Variants in PRDM5 observed in about 807,000 individuals in gnomAD.
PRDM5 encodes PR/SET domain 5.
In PRDM5, 56 loss-of-function variants were observed where a neutral mutation model predicts 81.2. The observed-to-expected ratio is 0.69, with a 90% CI of 0.56 to 0.86. The LOEUF (loss-of-function observed/expected upper bound fraction) is 0.86, where lower values mean the gene tolerates loss of function less well. PRDM5 is among the 40% of genes least tolerant of loss of function. The pLI is 0.00. For synonymous variants in PRDM5, 267 were observed against 256.4 expected, an observed-to-expected ratio of 1.04 and a Z score of -0.39; for missense variants, 697 against 770.1, an observed-to-expected ratio of 0.91 and a Z score of 1.12.
At chr4:120,828,454 A>G (rs908760136) in intron 3 of PRDM5, among the ~76,000 whole-genome samples, 1 of 152,022 alleles carries the variant, frequency 6.6e-6, no homozygotes, top group Non-Finnish European at 1.5e-5. Flanking sequence ...CCAATCTAGA[A>G]CCTGAGGCTA....
intron 7 of PRDM5, among the ~76,000 whole-genome samples, 199 bp from the exon 8 acceptor site, chr4:120,811,648 T>A (rs762980098): frequency 3.5e-4 from 54 of 152,184 alleles, no homozygotes; most frequent in Middle Eastern, 3.4e-3. Flanking sequence ...AGAAAAGACA[T>A]ACAAATTAAT....
chr4:120,842,076 A>G (rs1012842651), intron 3 of PRDM5, among the ~76,000 whole-genome samples: 3 of 152,160 alleles, frequency 2.0e-5, no homozygotes, highest in Non-Finnish European at 4.4e-5. Flanking sequence ...GTGAGTCCAG[A>G]CTGAACTCTC....
At chr4:120,852,714 CAT>C (rs1759412407) in intron 3 of PRDM5, among the ~76,000 whole-genome samples, 1 of 150,834 alleles carries the variant, frequency 6.6e-6, no homozygotes, top group Non-Finnish European at 1.5e-5. Context: ...TATATACACA[CAT>C]ATACAAATAC....
chr4:120,771,751 TAAGAAGAA>T (rs1490716540), intron 13 of PRDM5, among the ~76,000 whole-genome samples: 1 of 152,122 alleles, frequency 6.6e-6, no homozygotes, highest in Non-Finnish European at 1.5e-5. Context: ...TAAATAAACG[TAAGAAGAA>T]AAGTAGAAAA....
At chr4:120,707,567 C>CA (rs2149020097) in intron 15 of PRDM5, among the ~76,000 whole-genome samples, 1 of 149,790 alleles carries the variant, frequency 6.7e-6, no homozygotes, top group Admixed American at 6.6e-5. Context: ...AGAAAAAAAA[C>CA]AAAAACAAAC....
chr4:120,876,904 G>C (rs1762381568), intron 2 of PRDM5, among the ~76,000 whole-genome samples: 1 of 152,102 alleles, frequency 6.6e-6, no homozygotes, highest in South Asian at 2.1e-4. Context: ...GTGGGCCATG[G>C]GAGAGCAGTC....
chr4:120,849,514 C>T (rs553641001), intron 3 of PRDM5, among the ~76,000 whole-genome samples: 1 of 152,190 alleles, frequency 6.6e-6, no homozygotes, highest in South Asian at 2.1e-4. Flanking sequence ...TCATGAAGTG[C>T]ACCAGGACCC....
chr4:120,781,737 G>T (rs1749066902), intron 11 of PRDM5, among the ~76,000 whole-genome samples: 1 of 152,162 alleles, frequency 6.6e-6, no homozygotes, highest in Admixed American at 6.5e-5. Flanking sequence ...ATAATAGGCA[G>T]AATTGGATTG....
At chr4:120,727,303 A>ATGTGTG (rs34504620) in intron 14 of PRDM5, among the ~76,000 whole-genome samples, 3,474 of 150,774 alleles carry the variant, frequency 0.023, 54 homozygotes, top group Non-Finnish European at 0.034. Context: ...GTATGTATAT[A>ATGTGTG]TGTGTGTGTG....
intron 14 of PRDM5, among the ~76,000 whole-genome samples, chr4:120,738,375 C>G (rs1741425195): frequency 6.6e-6 from 1 of 152,166 alleles, no homozygotes; most frequent in Admixed American, 6.5e-5. Context: ...TTTAGCCATC[C>G]TAATATGACA....
At chr4:120,888,279 T>C (rs1763682023) in intron 2 of PRDM5, among the ~76,000 whole-genome samples, 1 of 152,174 alleles carries the variant, frequency 6.6e-6, no homozygotes, top group Non-Finnish European at 1.5e-5. Context: ...TTCTAATCAC[T>C]ACCCTCACAG....
intron 14 of PRDM5, among the ~76,000 whole-genome samples, chr4:120,742,198 A>G (rs1742133246): frequency 1.3e-5 from 2 of 152,188 alleles, no homozygotes; most frequent in African/African-American, 4.8e-5. Context: ...GGGTACTCCA[A>G]CAGACCTGAA....
In PRDM5 at chr4:120,922,414, G is replaced by C. The variant is rs1159377865; in HGVS notation, c.93+102C>G. 3 of 1,180,744 alleles carry C rather than the reference G, an allele frequency of 2.5e-6. No homozygotes were observed. The South Asian group carries it at 1.2e-4, about 48-fold the overall frequency. The allele number at this position is 1,180,744 out of a possible 1,614,324, so 73.1% of individuals were successfully genotyped here. On this transcript the variant is annotated intron_variant, in intron 1 of 15. Transcript: ENST00000264808. ...GGCCCGGCCCGGGCGAGGGGCGACC[G>C]GGGTGAAGCCCGCCGCGCCCCGGGC...
chr4:120,889,007 TATC>T (rs757592298), intron 2 of PRDM5, among the ~76,000 whole-genome samples: 56 of 152,288 alleles, frequency 3.7e-4, no homozygotes, highest in African/African-American at 1.0e-3. Context: ...ACAAATATCT[TATC>T]ATCCTCTGTG....
At chr4:120,880,508 A>T (rs1023829912) in intron 2 of PRDM5, among the ~76,000 whole-genome samples, 1 of 152,308 alleles carries the variant, frequency 6.6e-6, no homozygotes, top group East Asian at 1.9e-4. Flanking sequence ...TATATTCACA[A>T]TATTATCAAT....
chr4:120,737,404 G>A (rs1741277431), intron 14 of PRDM5, among the ~76,000 whole-genome samples: 1 of 152,208 alleles, frequency 6.6e-6, no homozygotes, highest in South Asian at 2.1e-4. Context: ...ACAAGGAAGG[G>A]CAACTGAGAG....
chr4:120,727,158 G>A (rs1739538459), intron 14 of PRDM5, among the ~76,000 whole-genome samples: 2 of 152,136 alleles, frequency 1.3e-5, no homozygotes, highest in African/African-American at 2.4e-5. Flanking sequence ...ATCCAAAGCA[G>A]TCAGGCACAC....
chr4:120,909,377 A>C (rs1766215680), intron 1 of PRDM5, among the ~76,000 whole-genome samples: 1 of 152,146 alleles, frequency 6.6e-6, no homozygotes, highest in Admixed American at 6.5e-5. Flanking sequence ...TTGACTACTG[A>C]ATTGAAGAAA....
At chr4:120,863,281 A>G (rs964332368) in intron 2 of PRDM5, among the ~76,000 whole-genome samples, 4 of 151,150 alleles carry the variant, frequency 2.6e-5, no homozygotes, top group Non-Finnish European at 5.9e-5. Flanking sequence ...GGGAGACAGC[A>G]TAAGGAAGAC....
Sources: gnomAD v4.1 joint callset for allele counts (sites outside exome capture counted in the v4.1 genomes callset) on GRCh38, gnomAD v4.1.1 for gene constraint, MANE v1.5 for transcripts, NCBI Gene and HGNC (gene_info 2026-07-23, HGNC 2026-07-21) for gene names.